DGKG: variants seen among roughly 807,000 people sequenced by gnomAD.
DGKG encodes the protein DAG kinase gamma.
DGKG carries 78 observed loss-of-function variants against 105.3 expected under a neutral mutation model. The ratio of observed to expected loss-of-function variants is 0.74; its 90% CI spans 0.62 to 0.89. DGKG has a LOEUF of 0.89. Among genes scored for constraint, DGKG ranks in the 40% least tolerant of loss-of-function variants. DGKG has a pLI of 0.00. For missense variants in DGKG, 958 were observed against 1,020.1 expected (o/e 0.94, Z 0.83); for synonymous variants, 346 against 367.1 (o/e 0.94, Z 0.66).
intron 3 of DGKG, among the ~76,000 whole-genome samples, chr3:186,304,304 G>T (rs1206789889): frequency 6.6e-6 from 1 of 152,224 alleles, no homozygotes; most frequent in African/African-American, 2.4e-5. Context: ...TCTCTGCATG[G>T]TTTCTCCTCA....
intron 7 of DGKG, among the ~76,000 whole-genome samples, chr3:186,281,554 G>A (rs543393589): frequency 1.3e-5 from 2 of 152,180 alleles, no homozygotes; most frequent in Non-Finnish European, 2.9e-5. Context: ...GTTCAAAAGT[G>A]TTACCTCTGC....
Position 186,261,746 on chromosome 3 carries a change from G to T in DGKG, c.1302C>A (p.Pro434=). 1 of 1,609,146 alleles carries T rather than the reference G, an allele frequency of 6.2e-7. No individual in the cohort carries two copies. The highest frequency in any genetic ancestry group is 1.7e-5 in the Admixed American group (1 of 59,658). The change falls in exon 15 of 25, where the codon CCC becomes CCA. Residue 434 remains proline (P), a synonymous_variant. Transcript: ENST00000265022. ...YKIIPTPGTH[P]LLVLVNPKSG... is the part of the protein sequence containing the mutation. ...TCTTGGGGTTCACCAAGACCAGCAGGGGGTGGGTACCCGGGGTGGGGATGA... is the reference window on the plus strand; with the variant it reads ...TCTTGGGGTTCACCAAGACCAGCAGTGGGTGGGTACCCGGGGTGGGGATGA...
chr3:186,261,821 A>G (rs1323634644), intron 14 of DGKG, 43 bp from the exon 15 acceptor site: 10 of 1,297,138 alleles, frequency 7.7e-6, no homozygotes, highest in African/African-American at 1.5e-5. Flanking sequence ...GCTTCATCCA[A>G]TAGGGGGCGT....
In DGKG at chr3:186,252,963, T is replaced by C. The variant is rs1235037808; in HGVS notation, c.1600+130A>G. The C allele has an allele frequency of 6.8e-6, 5 of 740,740 alleles. No individual in the cohort carries two copies. In the East Asian group the frequency reaches 1.1e-4, roughly 16 times the overall value. The allele number at this position is 740,740 out of a possible 1,614,324, so 45.9% of individuals were successfully genotyped here. ...CAGAGAAAGGGTCATGGACTTGACA[T>C]GACTGCAGAGTTGAGTATTATGCTG... is the stretch of plus-strand genomic sequence containing the variant. On this transcript the variant is annotated intron_variant, in intron 18 of 24. Transcript: ENST00000265022.
intron 1 of DGKG, among the ~76,000 whole-genome samples, chr3:186,352,668 C>G (rs750721943): frequency 6.6e-6 from 1 of 152,204 alleles, no homozygotes; most frequent in Non-Finnish European, 1.5e-5. Context: ...CTCTGCCTCC[C>G]TCAGCCCCCT....
At chr3:186,318,413 T>C (rs528762437) in intron 2 of DGKG, among the ~76,000 whole-genome samples, 2 of 152,338 alleles carry the variant, frequency 1.3e-5, no homozygotes, top group South Asian at 4.1e-4. Context: ...GCTCACATTT[T>C]AAACCTCTTT....
intron 21 of DGKG, among the ~76,000 whole-genome samples, chr3:186,208,049 T>C (rs1313252475): frequency 6.6e-6 from 1 of 152,132 alleles, no homozygotes; most frequent in Non-Finnish European, 1.5e-5. Context: ...TTTCTTTTTT[T>C]TCTTTTTTTT....
intron 20 of DGKG, among the ~76,000 whole-genome samples, chr3:186,220,987 C>G (rs1018579507): frequency 2.0e-5 from 3 of 152,250 alleles, no homozygotes; most frequent in African/African-American, 4.8e-5. Flanking sequence ...GAAATCGGAT[C>G]CTTTCCCAGT....
intron 2 of DGKG, among the ~76,000 whole-genome samples, chr3:186,309,448 G>A (rs1440911293): frequency 6.6e-6 from 1 of 152,136 alleles, no homozygotes; most frequent in Non-Finnish European, 1.5e-5. Context: ...CCAGCTCTCT[G>A]TTTTCTAAAG....
rs577015168 is a variant in DGKG, at chr3:186,297,680, G to C, written c.311-197C>G. 1.8e-3 allele frequency among the ~76,000 whole-genome samples: 268 copies of C among 152,236 alleles called. 1 individual carries two copies. Among genetic ancestry groups the C allele is most frequent in the Non-Finnish European group, 2.7e-3 (183 of 68,018 alleles). ...TATAGCCCAAGCTCCAGGAAGACAGGGATCATGGCTTCCCTCTCCTCTAAC... is the reference window on the plus strand; with the variant it reads ...TATAGCCCAAGCTCCAGGAAGACAGCGATCATGGCTTCCCTCTCCTCTAAC... On this transcript the variant is annotated intron_variant, in intron 4 of 24. Transcript: ENST00000265022.
At position 186,352,504 on chromosome 3, in the gene DGKG, A is replaced by G. The variant is rs1278854044; in HGVS notation, c.-249+9442T>C. Among the ~76,000 whole-genome samples, 6 of 152,102 alleles carry G rather than the reference A, an allele frequency of 3.9e-5. No individual in the cohort carries two copies. The South Asian group carries it at 8.3e-4, about 21-fold the overall frequency. On this transcript the variant is annotated intron_variant, in intron 1 of 24. Transcript: ENST00000265022. ...CCACGGAGCTCATCTATCCAATTACATCTCCATCTGGATCTCTCACTGAAA... is the reference window on the plus strand; with the variant it reads ...CCACGGAGCTCATCTATCCAATTACGTCTCCATCTGGATCTCTCACTGAAA...
At chr3:186,228,079 A>G (rs1159667347) in intron 20 of DGKG, among the ~76,000 whole-genome samples, 1 of 152,250 alleles carries the variant, frequency 6.6e-6, no homozygotes, top group Non-Finnish European at 1.5e-5. Context: ...CTCTCCCTGA[A>G]GGCATCTGAA....
chr3:186,188,876 A>G (rs974507598), intron 21 of DGKG, among the ~76,000 whole-genome samples: 3 of 152,112 alleles, frequency 2.0e-5, no homozygotes, highest in African/African-American at 7.2e-5. Flanking sequence ...GTGCAGTGGC[A>G]CAATCTCGGC....
chr3:186,267,546 A>G lies in DGKG; in HGVS notation c.1209+139T>C, dbSNP rs908696321. Reference sequence around the variant, plus strand: ...GTACTCTCTAACCTAAAATAACAGTAAAAAAAGAAAGAAAAGAAAACACAA... The same window carrying G: ...GTACTCTCTAACCTAAAATAACAGTGAAAAAAGAAAGAAAAGAAAACACAA... On this transcript the variant is annotated intron_variant, in intron 13 of 24. Coordinates refer to ENST00000265022, the MANE Select transcript of DGKG (RefSeq NM_001346.3). 14 of 684,226 alleles carry G rather than the reference A, an allele frequency of 2.0e-5. No individual in the cohort carries two copies. In the African/African-American group the frequency reaches 2.2e-4, roughly 11 times the overall value. The allele number at this position is 684,226 out of a possible 1,614,324, so 42.4% of individuals were successfully genotyped here. A position where few individuals can be genotyped will look rare whatever the true frequency, so the allele number is the denominator to read the frequency against.
chr3:186,317,683 C>T (rs1044086914), intron 2 of DGKG, among the ~76,000 whole-genome samples: 1 of 152,284 alleles, frequency 6.6e-6, no homozygotes, highest in Non-Finnish European at 1.5e-5. Flanking sequence ...GGAAACAATG[C>T]GTGCATCAGG....
chr3:186,355,774 C>T (rs1726927563), intron 1 of DGKG, among the ~76,000 whole-genome samples: 1 of 152,188 alleles, frequency 6.6e-6, no homozygotes, highest in Non-Finnish European at 1.5e-5. Context: ...CCATCATCAC[C>T]ACCACTACCA....
chr3:186,150,282 G>T (rs1192187610), intron 24 of DGKG, 94 bp from the exon 25 acceptor site: 1 of 1,450,578 alleles, frequency 6.9e-7, no homozygotes, highest in Non-Finnish European at 9.2e-7. Context: ...CCAGCTTCAG[G>T]ATGGAAGGAG....
At chr3:186,270,022 C>G (rs1052346308) in intron 11 of DGKG, among the ~76,000 whole-genome samples, 3 of 152,212 alleles carry the variant, frequency 2.0e-5, no homozygotes, top group African/African-American at 7.2e-5. Flanking sequence ...TGGATATGGA[C>G]TCTGGGAGAA....
At chr3:186,348,887 A>AT (rs1726490036) in intron 1 of DGKG, among the ~76,000 whole-genome samples, 1 of 151,964 alleles carries the variant, frequency 6.6e-6, no homozygotes, top group Non-Finnish European at 1.5e-5. Flanking sequence ...ATACCAACAG[A>AT]TTTTTTCTTA....
Sources: gnomAD v4.1 joint callset for allele counts (sites outside exome capture counted in the v4.1 genomes callset) on GRCh38, gnomAD v4.1.1 for gene constraint, MANE v1.5 for transcripts, NCBI Gene and HGNC (gene_info 2026-07-23, HGNC 2026-07-21) for gene names.